The following SNPH variants were observed in gnomAD, a reference collection of about 807,000 sequenced individuals.
SNPH encodes the protein syntaphilin.
SNPH carries 10 observed loss-of-function variants against 36.8 expected under a neutral mutation model. That is an observed-to-expected ratio of 0.27 (90% CI 0.17 to 0.46). The LOEUF (loss-of-function observed/expected upper bound fraction) is 0.46. Among genes scored for constraint, SNPH ranks in the 20% least tolerant of loss-of-function variants. The probability of loss-of-function intolerance (pLI) is 1.00; values close to 1 mark genes in which losing one functional copy is unlikely to be tolerated. For missense variants in SNPH, 622 were observed against 744.0 expected (o/e 0.84, Z 1.91); for synonymous variants, 281 against 312.2 (o/e 0.90, Z 1.05).
Position 1,304,852 on chromosome 20 carries a change from C to A in SNPH, c.441-26C>A. On this transcript the variant is annotated intron_variant, in intron 6 of 6. Coordinates refer to ENST00000381867, the MANE Select transcript of SNPH (RefSeq NM_001318234.2). The surrounding 1 kb of genome is among the most constrained non-coding windows in gnomAD (Gnocchi z 4.3). ...ACAGACCAGGCAGGCAGGCAGTGAGCGTGTGTGTGTCTCCTCGGCTCGCAG... is the reference window on the plus strand; with the variant it reads ...ACAGACCAGGCAGGCAGGCAGTGAGAGTGTGTGTGTCTCCTCGGCTCGCAG... 4 of 1,598,978 alleles carry A rather than the reference C, an allele frequency of 2.5e-6. No individual in the cohort carries two copies. The highest frequency in any genetic ancestry group is 3.4e-6 in the Non-Finnish European group (4 of 1,170,562).
chr20:1,297,584 A>G (rs767152334), intron 5 of SNPH, among the ~76,000 whole-genome samples: 33 of 152,326 alleles, frequency 2.2e-4, no homozygotes, highest in Non-Finnish European at 3.1e-4. Flanking sequence ...CTTGGTGTAC[A>G]GCTTTTGTCT....
chr20:1,287,352 C>T (rs753635765), intron 2 of SNPH, among the ~76,000 whole-genome samples: 13 of 152,170 alleles, frequency 8.5e-5, no homozygotes, highest in Non-Finnish European at 1.6e-4. Flanking sequence ...CTGTCATACC[C>T]GTAGGCCTTC....
chr20:1,268,055 C>T (rs1490944168), intron 2 of SNPH, among the ~76,000 whole-genome samples: 2 of 152,194 alleles, frequency 1.3e-5, no homozygotes, highest in Non-Finnish European at 2.9e-5. Context: ...GTCCTGTTCT[C>T]CTCCCCATCC....
At chr20:1,303,276 A>C (rs1050219055) in intron 6 of SNPH, among the ~76,000 whole-genome samples, 3 of 152,234 alleles carry the variant, frequency 2.0e-5, no homozygotes, top group Non-Finnish European at 2.9e-5. Context: ...CTCCCTGGGC[A>C]GACTTACCCT....
intron 2 of SNPH, among the ~76,000 whole-genome samples, chr20:1,290,055 T>C (rs2088338107): frequency 6.6e-6 from 1 of 151,830 alleles, no homozygotes; most frequent in Non-Finnish European, 1.5e-5. Flanking sequence ...TACTAAAATA[T>C]ACAAAAATTA....
At position 1,305,885 on chromosome 20, in the gene SNPH, C is replaced by T. The variant is rs377293641; in HGVS notation, c.1448C>T (p.Thr483Met). 31 of 1,597,614 alleles carry T rather than the reference C, an allele frequency of 1.9e-5. No homozygotes were observed. The highest frequency in any genetic ancestry group is 2.3e-5 in the East Asian group (1 of 44,342). Residue 483 changes from threonine (T) to methionine (M), a missense_variant, in exon 7 of 7, where the codon ACG (threonine) becomes ATG (methionine). Thr to Met is a moderately conservative substitution (Grantham distance 81). This residue lies in a region of SNPH where 379 missense variants were observed against 427.9 expected (regional missense o/e 0.89). Transcript: ENST00000381867. ...LLAVVVPAVP[T>M]VAWLCRSQRR... Reference sequence around the variant, plus strand: ...GCTGTGGTGGTGCCGGCCGTGCCCACGGTGGCCTGGCTTTGCCGCTCCCAG... The same window carrying T: ...GCTGTGGTGGTGCCGGCCGTGCCCATGGTGGCCTGGCTTTGCCGCTCCCAG...
At position 1,266,788 on chromosome 20, in the gene SNPH, C is replaced by G. The variant is rs2088011122; in HGVS notation, c.-493+28C>G. 3.7e-6 allele frequency: 5 copies of G among 1,339,666 alleles called. No homozygotes were observed. The highest frequency in any genetic ancestry group is 4.8e-6 in the Non-Finnish European group (5 of 1,046,708). The allele number at this position is 1,339,666 out of a possible 1,614,324, so 83.0% of individuals were successfully genotyped here. A position where few individuals can be genotyped will look rare whatever the true frequency, so the allele number is the denominator to read the frequency against. ...GAGGAGGCCGCGGCGGAGCGGGGAG[C>G]TGGCCCTGCGCTGCACCGCGGCAGG... is the stretch of plus-strand genomic sequence containing the variant. On this transcript the variant is annotated intron_variant, in intron 2 of 6. Transcript: ENST00000381867. The surrounding 1 kb of genome is among the most constrained non-coding windows in gnomAD (Gnocchi z 6.0).
intron 2 of SNPH, among the ~76,000 whole-genome samples, chr20:1,290,458 T>G (rs1420850974): frequency 1.3e-5 from 2 of 152,252 alleles, no homozygotes; most frequent in Non-Finnish European, 2.9e-5. Context: ...CTTTCGTATC[T>G]GGCTTCTTTC....
chr20:1,270,073 A>G (rs1189052242), intron 2 of SNPH, among the ~76,000 whole-genome samples: 1 of 152,182 alleles, frequency 6.6e-6, no homozygotes, highest in Non-Finnish European at 1.5e-5. Flanking sequence ...TCCCTCCAAG[A>G]GTTCCCATCC....
Position 1,276,224 on chromosome 20 carries a change from AG to A in SNPH, c.-493+9470del, listed in dbSNP as rs1031473328. 6.1e-5 allele frequency among the ~76,000 whole-genome samples: 9 copies of A among 148,008 alleles called. No individual in the cohort carries two copies. In the East Asian group the frequency reaches 1.7e-3, roughly 29 times the overall value. ...GGAGAGCCCCTTCCCCCTCCACAGG[AG>A]GGGGGCTCCTCACTCTGGGGCCGTG... On this transcript the variant is annotated intron_variant, in intron 2 of 6. Transcript: ENST00000381867. This position sits in a 1 kb window ranked among gnomAD's most constrained non-coding sequence, Gnocchi z 4.6.
Position 1,294,724 on chromosome 20 carries a change from C to T in SNPH, c.-492-227C>T, listed in dbSNP as rs183739464. Among the ~76,000 whole-genome samples the T allele has an allele frequency of 6.8e-4, 103 of 152,328 alleles. 1 individual carries two copies. The highest frequency in any genetic ancestry group is 1.9e-4 in the East Asian group (1 of 5,168). On this transcript the variant is annotated intron_variant, in intron 2 of 6. Coordinates refer to ENST00000381867, the MANE Select transcript of SNPH (RefSeq NM_001318234.2). This position sits in a 1 kb window ranked among gnomAD's most constrained non-coding sequence, Gnocchi z 4.4. ...TTGTCCACTCAGGAGGCAGCCCCGC[C>T]GCTGGCTGGGATGACCAGGCTCCGG...
At chr20:1,278,063 TG>T (rs2088170776) in intron 2 of SNPH, among the ~76,000 whole-genome samples, 2 of 132,248 alleles carry the variant, frequency 1.5e-5, no homozygotes, top group African/African-American at 3.2e-5. Flanking sequence ...TGTGTGTCTG[TG>T]TGTGTATCTG....
In SNPH at chr20:1,276,074, G is replaced by C. The variant is rs1409917625; in HGVS notation, c.-493+9314G>C. Among the ~76,000 whole-genome samples, 4 of 152,194 alleles carry C rather than the reference G, an allele frequency of 2.6e-5. No individual in the cohort carries two copies. The highest frequency in any genetic ancestry group is 9.7e-5 in the African/African-American group (4 of 41,446). On this transcript the variant is annotated intron_variant, in intron 2 of 6. Transcript: ENST00000381867. This position sits in a 1 kb window ranked among gnomAD's most constrained non-coding sequence, Gnocchi z 4.6. ...CTAAGCTCTGTGCTCTCAGAGGATG[G>C]AGAGGACCTGACCCCTCCACACCCT...
At position 1,305,716 on chromosome 20, in the gene SNPH, C is replaced by A; in HGVS notation, c.1279C>A (p.Pro427Thr). 6.2e-7 allele frequency: 1 copy of A among 1,609,656 alleles called. No homozygotes were observed. Among genetic ancestry groups the A allele is most frequent in the Non-Finnish European group, 8.5e-7 (1 of 1,177,912 alleles). The change falls in exon 7 of 7, where the codon CCC (proline) becomes ACC (threonine). Residue 427 changes from proline to threonine, a missense_variant. Transcript: ENST00000381867. ...LEAPEPITRG[P>T]TPQRPGANPN... Reference sequence around the variant, plus strand: ...GGCCCCAGAGCCCATCACCCGTGGACCCACCCCACAGCGGCCTGGTGCCAA... The same window carrying A: ...GGCCCCAGAGCCCATCACCCGTGGAACCACCCCACAGCGGCCTGGTGCCAA...
chr20:1,287,881 T>C (rs959747091), intron 2 of SNPH, among the ~76,000 whole-genome samples: 1 of 152,166 alleles, frequency 6.6e-6, no homozygotes, highest in Admixed American at 6.5e-5. Flanking sequence ...GTGGCCAAGG[T>C]TGCTGAAGGG....
chr20:1,291,860 GT>G (rs1460735854), intron 2 of SNPH, among the ~76,000 whole-genome samples: 2 of 152,206 alleles, frequency 1.3e-5, no homozygotes, highest in African/African-American at 4.8e-5. Flanking sequence ...CCCCATGACT[GT>G]TGATTGGGGA....
At chr20:1,279,249 T>A (rs1427369980) in intron 2 of SNPH, among the ~76,000 whole-genome samples, 4 of 152,252 alleles carry the variant, frequency 2.6e-5, no homozygotes, top group Non-Finnish European at 5.9e-5. Flanking sequence ...CTTTTAAATC[T>A]TAGCCACTCT....
Position 1,276,206 on chromosome 20 carries a change from C to A in SNPH, c.-493+9446C>A, listed in dbSNP as rs1193319771. The stretch of plus-strand genomic sequence containing the variant: ...TGTCTGTGGCTTCCTTCTGGAGAGC[C>A]CCTTCCCCCTCCACAGGAGGGGGGC... On this transcript the variant is annotated intron_variant, in intron 2 of 6. Transcript: ENST00000381867. This position sits in a 1 kb window ranked among gnomAD's most constrained non-coding sequence, Gnocchi z 4.6. 6.6e-6 allele frequency among the ~76,000 whole-genome samples: 1 copy of A among 151,752 alleles called. No homozygotes were observed. Among genetic ancestry groups the A allele is most frequent in the Non-Finnish European group, 1.5e-5 (1 of 67,888 alleles).
chr20:1,287,878 A>G (rs1031087402), intron 2 of SNPH, among the ~76,000 whole-genome samples: 2 of 152,222 alleles, frequency 1.3e-5, no homozygotes, highest in Non-Finnish European at 2.9e-5. Flanking sequence ...GCTGTGGCCA[A>G]GGTTGCTGAA....
Sources: allele counts gnomAD v4.1 joint callset (sites outside exome capture counted in the v4.1 genomes callset), GRCh38; gene constraint gnomAD v4.1.1; regional missense constraint gnomAD v4.1.1; non-coding constraint Gnocchi (gnomAD v3.1); transcripts MANE v1.5; gene names NCBI Gene and HGNC (gene_info 2026-07-23, HGNC 2026-07-21).